GRIN1: variants seen among roughly 807,000 people sequenced by gnomAD.
GRIN1 encodes glutamate ionotropic receptor NMDA type subunit 1, also known as glutamate receptor ionotropic, NMDA 1.
A neutral mutation model predicts 103.0 loss-of-function variants in GRIN1; 38 were observed. The observed-to-expected ratio is 0.37, with a 90% CI of 0.28 to 0.48. GRIN1 has a LOEUF of 0.48. GRIN1 is among the 20% of genes least tolerant of loss of function. The pLI is 0.98. For synonymous variants in GRIN1, 544 were observed against 532.7 expected (o/e 1.02, Z -0.29); for missense variants, 577 against 1,288.9 (o/e 0.45, Z 8.46).
chr9:137,147,647 G>A (rs564731863), intron 3 of GRIN1, among the ~76,000 whole-genome samples: 74 of 152,368 alleles, frequency 4.9e-4, no homozygotes, highest in African/African-American at 1.7e-3. Context: ...CCTCTTGGGC[G>A]CATATGCGAG....
intron 8 of GRIN1, 100 bp downstream of exon 8, chr9:137,158,804 AC>A: frequency 1.1e-6 from 1 of 889,652 alleles, no homozygotes; most frequent in Non-Finnish European, 1.9e-6. Context: ...AATGAAAGCC[AC>A]TAAAGGAAGT....
chr9:137,149,844 T>C (rs1564349734), intron 4 of GRIN1, among the ~76,000 whole-genome samples: 1 of 152,004 alleles, frequency 6.6e-6, no homozygotes, highest in African/African-American at 2.4e-5. Flanking sequence ...AAAACAGCAG[T>C]GAAACACCCG....
intron 4 of GRIN1, among the ~76,000 whole-genome samples, 171 bp downstream of exon 4, chr9:137,149,280 A>G (rs533105674): frequency 6.7e-6 from 1 of 148,300 alleles, no homozygotes; most frequent in Admixed American, 6.7e-5. Flanking sequence ...TCCTATCGGC[A>G]TGGCTGATGT....
chr9:137,161,281 C>T lies in GRIN1; in HGVS notation c.1340-8C>T. On this transcript the variant is annotated splice_region_variant and splice_polypyrimidine_tract_variant and intron_variant, in intron 9 of 19. Transcript: ENST00000371561. ...GGAGCCCAGCAGTTACCGCCCGCAC[C>T]TACCCAGCCCGCCACACGGTGCCTC... The T allele has an allele frequency of 1.2e-6, 2 of 1,612,146 alleles. No individual in the cohort carries two copies. Among genetic ancestry groups the T allele is most frequent in the South Asian group, 2.2e-5 (2 of 91,080 alleles).
rs1833955080 is a variant in GRIN1 at position 137,167,674 on chromosome 9, C to T, written c.*147C>T. On this transcript the variant is annotated 3_prime_UTR_variant, in exon 20 of 20. Coordinates refer to ENST00000371561, the MANE Select transcript of GRIN1 (RefSeq NM_007327.4). Reference sequence around the variant, plus strand: ...CCTCCCCCAGGCTGCGCCTGCCCGCCCGCCGGTTGGCCGGCTGGCCGGTCC... The same window carrying T: ...CCTCCCCCAGGCTGCGCCTGCCCGCTCGCCGGTTGGCCGGCTGGCCGGTCC... 1 of 1,542,912 alleles carries T rather than the reference C, an allele frequency of 6.5e-7. No individual in the cohort carries two copies. Among genetic ancestry groups the T allele is most frequent in the South Asian group, 1.2e-5 (1 of 83,118 alleles).
Position 137,161,183 on chromosome 9 carries a change from C to T in GRIN1, c.1325C>T (p.Thr442Met), listed in dbSNP as rs367543113. Residue 442 changes from threonine (T) to methionine (M), a missense_variant, in exon 9 of 20, where the codon ACG (threonine) becomes ATG (methionine). Coordinates refer to ENST00000371561, the MANE Select transcript of GRIN1 (RefSeq NM_007327.4). ...KKVICTGPND[T>M]SPGSPRHTVP... ...GTGATCTGCACCGGGCCCAACGACA[C>T]GTCGCCGGGCAGCCGTGAGTGCGCG... 6.2e-7 allele frequency: 1 copy of T among 1,609,838 alleles called. No individual in the cohort carries two copies. Among genetic ancestry groups the T allele is most frequent in the Non-Finnish European group, 8.5e-7 (1 of 1,178,858 alleles).
chr9:137,148,096 C>A, intron 3 of GRIN1: 1 of 1,180,800 alleles, frequency 8.5e-7, no homozygotes, highest in Non-Finnish European at 1.2e-6. Flanking sequence ...TCATTTTCAA[C>A]CGTTTATAAT....
chr9:137,158,581 C>A (rs2131280398), intron 7 of GRIN1, 40 bp from the exon 8 acceptor site: 1 of 1,606,356 alleles, frequency 6.2e-7, no homozygotes, highest in Non-Finnish European at 8.5e-7. Flanking sequence ...GGGCCAAGAC[C>A]CCTGCGTGGC....
intron 4 of GRIN1, among the ~76,000 whole-genome samples, chr9:137,151,054 C>A (rs1161277707): frequency 8.4e-6 from 1 of 118,686 alleles, no homozygotes; most frequent in Non-Finnish European, 1.7e-5. Context: ...CAGAAAAAGT[C>A]CCGCCCAGGG....
chr9:137,167,337 A>G, intron 19 of GRIN1, 74 bp from the exon 20 acceptor site: 1 of 1,176,288 alleles, frequency 8.5e-7, no homozygotes, highest in South Asian at 1.3e-5. Context: ...CCAGGGCGGC[A>G]CTGGGCGCTG....
At chr9:137,158,238 C>T in intron 6 of GRIN1, 141 bp from the exon 7 acceptor site, 4 of 919,958 alleles carry the variant, frequency 4.3e-6, no homozygotes, top group South Asian at 4.2e-5. Flanking sequence ...AAGGGAAAAG[C>T]CCAAGCTGCT....
At chr9:137,165,482 C>T (rs998061346) in intron 19 of GRIN1, 186 bp downstream of exon 19, 20 of 635,994 alleles carry the variant, frequency 3.1e-5, no homozygotes, top group African/African-American at 2.0e-4. Context: ...CCTTTCTCCC[C>T]GGCCCTCCTG....
chr9:137,148,551 G>A (rs776540935), intron 3 of GRIN1, among the ~76,000 whole-genome samples: 1 of 152,260 alleles, frequency 6.6e-6, no homozygotes, highest in Non-Finnish European at 1.5e-5. Flanking sequence ...CCACTCGCCG[G>A]GGCCGGGCTG....
At position 137,146,447 on chromosome 9, in the gene GRIN1, G is replaced by A. The variant is rs958522796; in HGVS notation, c.570+545G>A. Among the ~76,000 whole-genome samples, 3 of 151,874 alleles carry A rather than the reference G, an allele frequency of 2.0e-5. No individual in the cohort carries two copies. Among genetic ancestry groups the A allele is most frequent in the African/African-American group, 4.8e-5 (2 of 41,310 alleles). On this transcript the variant is annotated intron_variant, in intron 3 of 19. Coordinates refer to ENST00000371561, the MANE Select transcript of GRIN1 (RefSeq NM_007327.4). The surrounding 1 kb of genome is among the most constrained non-coding windows in gnomAD (Gnocchi z 6.7). ...AGACACCTGCCCCCCAGCCTGGACC[G>A]CCCCTGTGGGCTCCACTCCCCTCCT... is the stretch of plus-strand genomic sequence containing the variant.
chr9:137,163,566 G>A lies in GRIN1; in HGVS notation c.2341G>A (p.Glu781Lys). Reference sequence around the variant, plus strand: ...ACTTGTTCCCACCGCCAGGTCCCACGAGAATGGCTTCATGGAAGACCTGGA... The same window carrying A: ...ACTTGTTCCCACCGCCAGGTCCCACAAGAATGGCTTCATGGAAGACCTGGA... The part of the protein sequence containing the change: ...NVSLSILKSH[E>K]NGFMEDLDKT... Residue 781 changes from glutamate to lysine, a missense_variant, in exon 17 of 20, where the codon GAG (glutamate) becomes AAG (lysine). Around this residue, in one of 9 missense-constraint regions of GRIN1, gnomAD observed 59 missense variants for 161.3 expected, o/e 0.37. Coordinates refer to ENST00000371561, the MANE Select transcript of GRIN1 (RefSeq NM_007327.4). 1 of 1,610,344 alleles carries A rather than the reference G, an allele frequency of 6.2e-7. No individual in the cohort carries two copies. Among genetic ancestry groups the A allele is most frequent in the Non-Finnish European group, 8.5e-7 (1 of 1,177,376 alleles).
chr9:137,145,616 GGGA>G (rs1234422428), intron 2 of GRIN1, 107 bp from the exon 3 acceptor site: 1 of 821,876 alleles, frequency 1.2e-6, no homozygotes, highest in Admixed American at 2.1e-5. Context: ...GGACAGGGGT[GGGA>G]GGAGGGGGGT....
At chr9:137,152,023 C>A (rs1588707699) in intron 4 of GRIN1, among the ~76,000 whole-genome samples, 1 of 151,396 alleles carries the variant, frequency 6.6e-6, no homozygotes, top group Non-Finnish European at 1.5e-5. Flanking sequence ...TCTCCTGCCT[C>A]AGCCTCCCAA....
chr9:137,142,228 C>A, intron 2 of GRIN1, 81 bp downstream of exon 2: 2 of 1,441,400 alleles, frequency 1.4e-6, no homozygotes, highest in Non-Finnish European at 1.9e-6. Context: ...GCGGGCCGAC[C>A]CGCTCACATG....
chr9:137,147,755 C>G (rs1006417072), intron 3 of GRIN1, among the ~76,000 whole-genome samples: 1 of 152,240 alleles, frequency 6.6e-6, no homozygotes, highest in African/African-American at 2.4e-5. Flanking sequence ...TGGGGACAGG[C>G]CCCGGGGGGG....
Sources: gnomAD v4.1 joint callset for allele counts (sites outside exome capture counted in the v4.1 genomes callset) on GRCh38, gnomAD v4.1.1 for gene constraint, gnomAD v4.1.1 regional missense constraint, Gnocchi (gnomAD v3.1) non-coding constraint, MANE v1.5 for transcripts, NCBI Gene and HGNC (gene_info 2026-07-23, HGNC 2026-07-21) for gene names.